FLG: variants seen among roughly 807,000 people sequenced by gnomAD.
FLG encodes filaggrin, also known as epidermal filaggrin.
Under a neutral mutation model 3.8 loss-of-function variants are expected in FLG, and 6 were observed. The ratio of observed to expected loss-of-function variants is 1.60; its 90% CI spans 0.87 to 3.15. FLG has a LOEUF of 3.15. Among genes scored for constraint, FLG ranks in the 30% most tolerant of loss-of-function variants. The pLI is 0.00. For synonymous variants in FLG, 2,551 were observed against 1,931.6 expected, an observed-to-expected ratio of 1.32 and a Z score of -8.41; for missense variants, 7,595 against 5,050.9, an observed-to-expected ratio of 1.50 and a Z score of -15.27.
chr1:152,308,311 T>G lies in FLG; in HGVS notation c.6575A>C (p.Lys2192Thr), dbSNP rs547745960. 1.5e-5 allele frequency: 24 copies of G among 1,613,700 alleles called. No homozygotes were observed. Among genetic ancestry groups the G allele is most frequent in the Middle Eastern group, 1.7e-4 (1 of 6,060 alleles). Reference sequence around the variant, plus strand: ...TCCTGATTGTTCCTTGTCATATGTTTTTCTGCTTGCACTTCTGGATCCTGA... The same window carrying G: ...TCCTGATTGTTCCTTGTCATATGTTGTTCTGCTTGCACTTCTGGATCCTGA... ...GQSGSRSASR[K>T]TYDKEQSGDG... Residue 2192 changes from lysine (K) to threonine (T), a missense_variant, in exon 3 of 3, where the codon AAA (lysine) becomes ACA (threonine). Physicochemically the swap from Lys to Thr is moderately conservative, Grantham distance 78. Transcript: ENST00000368799.
Position 152,305,682 on chromosome 1 carries a change from A to G in FLG, c.9204T>C (p.Thr3068=). 7.3e-7 allele frequency: 1 copy of G among 1,372,690 alleles called. No individual in the cohort carries two copies. The highest frequency in any genetic ancestry group is 2.4e-5 in the African/African-American group (1 of 41,388). 85.0% of individuals were successfully genotyped at this position (1,372,690 alleles called of 1,614,324 possible). A position where few individuals can be genotyped will look rare whatever the true frequency, so the allele number is the denominator to read the frequency against. Residue 3068 remains threonine, a synonymous_variant, in exon 3 of 3, where the codon ACT becomes ACC. Transcript: ENST00000368799. ...CATGGGAGGACTCAGACTGTTCATG[A>G]GTGCTCACCTGGTAGAGGAAAGATC... is the stretch of plus-strand genomic sequence containing the variant. ...HSGSFLYQVS[T]HEQSESSHGW...
chr1:152,314,312 T>C lies in FLG; in HGVS notation c.574A>G (p.Arg192Gly), dbSNP rs555010590. ...KKEKNKTENT[R>G]LGDNRKRLSE... ...AGCCTCTTCCTATTGTCTCCTAATC[T>C]AGTATTTTCAGTCTTGTTTTTCTCT... Residue 192 changes from arginine to glycine, a missense_variant, in exon 3 of 3, where the codon AGA (arginine) becomes GGA (glycine). Transcript: ENST00000368799. 6.2e-7 allele frequency: 1 copy of C among 1,613,408 alleles called. No homozygotes were observed. Among genetic ancestry groups the C allele is most frequent in the Non-Finnish European group, 8.5e-7 (1 of 1,179,886 alleles).
intron 2 of FLG, 87 bp from the exon 3 acceptor site, chr1:152,314,834 G>T: frequency 6.5e-7 from 1 of 1,533,026 alleles, no homozygotes; most frequent in Non-Finnish European, 8.9e-7. Context: ...TAAGGAACCT[G>T]ATCTTTGAGT....
intron 1 of FLG, among the ~76,000 whole-genome samples, chr1:152,317,941 C>G (rs1197735155): frequency 6.6e-6 from 1 of 152,012 alleles, no homozygotes; most frequent in East Asian, 1.9e-4. Context: ...TTCTCCTTTT[C>G]TTACATCCAA....
At chr1:152,322,647 A>T (rs1055804059) in intron 1 of FLG, among the ~76,000 whole-genome samples, 1 of 151,128 alleles carries the variant, frequency 6.6e-6, no homozygotes, top group Non-Finnish European at 1.5e-5. Context: ...ATAAAAGCAT[A>T]AAAAAAGAGG....
chr1:152,320,694 A>C (rs1427639509), intron 1 of FLG, among the ~76,000 whole-genome samples: 2 of 151,120 alleles, frequency 1.3e-5, no homozygotes, highest in Non-Finnish European at 3.0e-5. Context: ...ATTTCTACAA[A>C]ATTATTAATA....
rs779699797 is a variant in FLG, at chr1:152,314,385, A to T, written c.501T>A (p.Thr167=). ...EKKERKGYSP[T]HREEEYGKNH... is the part of the protein sequence containing the mutation. ...TTTTTCCATATTCTTCTTCTCTATG[A>T]GTAGGTGAATATCCTTTTCTTTCTT... Residue 167 remains threonine, a synonymous_variant, in exon 3 of 3, where the codon ACT becomes ACA. Transcript: ENST00000368799. The T allele has an allele frequency of 6.2e-7, 1 of 1,612,750 alleles. No homozygotes were observed.
At position 152,310,232 on chromosome 1, in the gene FLG, C is replaced by A. The variant is rs772213921; in HGVS notation, c.4654G>T (p.Asp1552Tyr). The A allele has an allele frequency of 1.8e-5, 29 of 1,613,714 alleles. No homozygotes were observed. Among genetic ancestry groups the A allele is most frequent in the Non-Finnish European group, 2.4e-5 (28 of 1,179,990 alleles). The change falls in exon 3 of 3, where the codon GAC becomes TAC. Residue 1552 changes from aspartate (D) to tyrosine (Y), a missense_variant. Transcript: ENST00000368799. ...RQTRNEEQSG[D>Y]GSRHSGSRHH... Reference sequence around the variant, plus strand: ...CGTGACCCTGAGTGCCTGGAGCCGTCTCCTGATTGTTCCTCATTTCTTGTT... The same window carrying A: ...CGTGACCCTGAGTGCCTGGAGCCGTATCCTGATTGTTCCTCATTTCTTGTT...
intron 1 of FLG, among the ~76,000 whole-genome samples, chr1:152,320,555 C>T (rs1652927808): frequency 6.6e-6 from 1 of 150,854 alleles, no homozygotes; most frequent in Non-Finnish European, 1.5e-5. Context: ...CAGGAAGCCT[C>T]AAAATACATA....
chr1:152,323,319 A>G (rs1653039200), intron 1 of FLG, among the ~76,000 whole-genome samples: 1 of 151,742 alleles, frequency 6.6e-6, no homozygotes, highest in South Asian at 2.1e-4. Context: ...TAAAAGTAGG[A>G]ATGTTTATTC....
At position 152,303,222 on chromosome 1, in the gene FLG, A is replaced by C. The variant is rs769146303; in HGVS notation, c.11664T>G (p.His3888Gln). The change falls in exon 3 of 3, where the codon CAT becomes CAG. Residue 3888 changes from histidine to glutamine, a missense_variant. His to Gln is a conservative substitution (Grantham distance 24). Transcript: ENST00000368799. ...RRSESASRNH[H>Q]GSSREQSRDG... ...CTCTTGACTGCTCCCGAGAAGATCC[A>C]TGATGGTTTCTGGAAGCAGACTCAG... 6.2e-7 allele frequency: 1 copy of C among 1,614,016 alleles called. No individual in the cohort carries two copies. The highest frequency in any genetic ancestry group is 8.5e-7 in the Non-Finnish European group (1 of 1,180,016).
Position 152,310,727 on chromosome 1 carries a change from G to A in FLG, c.4159C>T (p.His1387Tyr), listed in dbSNP as rs73005479. 1.8e-3 allele frequency: 2,889 copies of A among 1,613,992 alleles called. 53 individuals are homozygous for A. In the African/African-American group the frequency reaches 0.033, roughly 19 times the overall value. ...ACCTGACTACCACTGGACCCTCGGT[G>A]TCCACTGTCTCTGACTGCAGATGAA... The part of the protein sequence containing the change: ...QASSAVRDSG[H>Y]RGSSGSQVTN... The change falls in exon 3 of 3, where the codon CAC (histidine) becomes TAC (tyrosine). Residue 1387 changes from histidine (H) to tyrosine (Y), a missense_variant. By Grantham distance (83) the His-to-Tyr change is moderately conservative. Coordinates refer to ENST00000368799, the MANE Select transcript of FLG (RefSeq NM_002016.2).
rs988473289 is a variant in FLG, at chr1:152,302,320, T to G, written c.*380A>C. 1.5e-5 allele frequency: 4 copies of G among 259,382 alleles called. No homozygotes were observed. Among genetic ancestry groups the G allele is most frequent in the Admixed American group, 1.0e-4 (2 of 19,414 alleles). 16.1% of individuals were successfully genotyped at this position (259,382 alleles called of 1,614,324 possible). A position where few individuals can be genotyped will look rare whatever the true frequency, so the allele number is the denominator to read the frequency against. On this transcript the variant is annotated 3_prime_UTR_variant, in exon 3 of 3. Coordinates refer to ENST00000368799, the MANE Select transcript of FLG (RefSeq NM_002016.2). ...TGATGTTGATATAGCCACTTTGGTA[T>G]ACAGAACTGTTTTATATTTTTGGCT...
In FLG at chr1:152,304,444, C is replaced by G; in HGVS notation, c.10442G>C (p.Gly3481Ala). Residue 3481 changes from glycine (G) to alanine (A), a missense_variant, in exon 3 of 3, where the codon GGA (glycine) becomes GCA (alanine). Coordinates refer to ENST00000368799, the MANE Select transcript of FLG (RefSeq NM_002016.2). Reference sequence around the variant, plus strand: ...AGTTTGTCTGCTGGCACTTCTGGATCCTGACTGCCCACGGGAGGCATCAGA... The same window carrying G: ...AGTTTGTCTGCTGGCACTTCTGGATGCTGACTGCCCACGGGAGGCATCAGA... ...GRSDASRGQS[G>A]SRSASRQTRN... The G allele has an allele frequency of 6.2e-7, 1 of 1,612,296 alleles. No individual in the cohort carries two copies. The highest frequency in any genetic ancestry group is 8.5e-7 in the Non-Finnish European group (1 of 1,179,322).
chr1:152,308,949 A>G lies in FLG; in HGVS notation c.5937T>C (p.Thr1979=). 6.2e-7 allele frequency: 1 copy of G among 1,614,120 alleles called. No homozygotes were observed. The highest frequency in any genetic ancestry group is 8.5e-7 in the Non-Finnish European group (1 of 1,179,980). Residue 1979 remains threonine (T), a synonymous_variant, in exon 3 of 3, where the codon ACT becomes ACC. Coordinates refer to ENST00000368799, the MANE Select transcript of FLG (RefSeq NM_002016.2). ...CACGAGAGGAAGACTCTGTGTGACG[A>G]GTGCCTGATTGTCTGGAGCTGTCTG... The part of the protein sequence containing the change: ...HSADSSRQSG[T]RHTESSSRGQ...
chr1:152,315,323 A>G lies in FLG; in HGVS notation c.134T>C (p.Leu45Pro), dbSNP rs1652746739. ...ELLEKEFRQI[L>P]KNPDDPDMVD... ...GGTCTTGTCAGAGACTCTTACCTTC[A>G]GGATTTGCCGAAATTCCTTTTCCAG... Residue 45 changes from leucine (L) to proline (P), a missense_variant, in exon 2 of 3, where the codon CTG (leucine) becomes CCG (proline). Coordinates refer to ENST00000368799, the MANE Select transcript of FLG (RefSeq NM_002016.2). 6.2e-7 allele frequency: 1 copy of G among 1,613,246 alleles called. No homozygotes were observed. Among genetic ancestry groups the G allele is most frequent in the African/African-American group, 1.3e-5 (1 of 75,028 alleles).
In FLG at chr1:152,311,344, T is replaced by C. The variant is rs1485415541; in HGVS notation, c.3542A>G (p.His1181Arg). Residue 1181 changes from histidine (H) to arginine (R), a missense_variant, in exon 3 of 3, where the codon CAT becomes CGT. Coordinates refer to ENST00000368799, the MANE Select transcript of FLG (RefSeq NM_002016.2). Reference protein sequence around the residue: ...SRRGGRQGSHHEQSVDRSGHS... With the variant: ...SRRGGRQGSHREQSVDRSGHS... ...TCCAGATCTATCTACCGATTGCTCA[T>C]GGTGGGATCCCTGCCTTCCTCCTCT... The C allele has an allele frequency of 6.2e-7, 1 of 1,613,656 alleles. No homozygotes were observed. The highest frequency in any genetic ancestry group is 8.5e-7 in the Non-Finnish European group (1 of 1,179,984).
chr1:152,319,164 G>T (rs1161671051), intron 1 of FLG, among the ~76,000 whole-genome samples: 4 of 151,560 alleles, frequency 2.6e-5, no homozygotes, highest in Admixed American at 6.6e-5. Context: ...TCTAAATAAG[G>T]TGACATTTGT....
At chr1:152,318,156 C>G (rs1421530039) in intron 1 of FLG, among the ~76,000 whole-genome samples, 3 of 152,008 alleles carry the variant, frequency 2.0e-5, no homozygotes, top group Non-Finnish European at 4.4e-5. Flanking sequence ...TCTTACTAGC[C>G]TAATTAACTG....
Sources: allele counts gnomAD v4.1 joint callset (sites outside exome capture counted in the v4.1 genomes callset), GRCh38; gene constraint gnomAD v4.1.1; transcripts MANE v1.5; gene names NCBI Gene and HGNC (gene_info 2026-07-23, HGNC 2026-07-21).